Variants in PKD1L3 observed in about 807,000 individuals in gnomAD.
PKD1L3 encodes polycystin-1-like protein 3.
A neutral mutation model predicts 184.1 loss-of-function variants in PKD1L3; 239 were observed. The ratio of observed to expected loss-of-function variants is 1.30; its 90% CI spans 1.17 to 1.45. The LOEUF (loss-of-function observed/expected upper bound fraction) is 1.45, where lower values mean the gene tolerates loss of function less well. Among genes scored for constraint, PKD1L3 ranks in the 40% most tolerant of loss-of-function variants. The probability of loss-of-function intolerance (pLI) is 0.00; values close to 1 mark genes in which losing one functional copy is unlikely to be tolerated. For synonymous variants in PKD1L3, 996 were observed against 778.8 expected, an observed-to-expected ratio of 1.28 and a Z score of -4.64; for missense variants, 2,660 against 2,067.2, an observed-to-expected ratio of 1.29 and a Z score of -5.56.
chr16:71,988,022 T>C (rs1014026457), intron 4 of PKD1L3, among the ~76,000 whole-genome samples: 4 of 152,084 alleles, frequency 2.6e-5, no homozygotes, highest in Admixed American at 6.6e-5. Flanking sequence ...AATGCAGATG[T>C]TATTTTTAAT....
At position 71,973,385 on chromosome 16, in the gene PKD1L3, G is replaced by T. The variant is rs778544446; in HGVS notation, c.1892C>A (p.Ala631Asp). 4.6e-5 allele frequency: 71 copies of T among 1,551,550 alleles called. 2 individuals are homozygous for T. In the South Asian group the frequency reaches 8.0e-4, roughly 17 times the overall value. Residue 631 changes from alanine to aspartate, a missense_variant, in exon 12 of 30, where the codon GCC becomes GAC. By Grantham distance (126) the Ala-to-Asp change is moderately radical (BLOSUM62 -2). Transcript: ENST00000620267. ...CTCCCAGTAGTAACACTGAGTGACG[G>T]CGGTGATGACCGAGACCAAGCTGGG... is the stretch of plus-strand genomic sequence containing the variant. The part of the protein sequence containing the change: ...QTPSLVSVIT[A>D]VTQCYYWEIH...
At chr16:71,993,650 G>C (rs759537908) in intron 2 of PKD1L3, among the ~76,000 whole-genome samples, 3 of 152,130 alleles carry the variant, frequency 2.0e-5, no homozygotes, top group Non-Finnish European at 4.4e-5. Flanking sequence ...CATCGCCAGG[G>C]TCTGATTTTT....
intron 19 of PKD1L3, 64 bp from the exon 20 acceptor site, chr16:71,950,374 G>C: frequency 2.2e-6 from 3 of 1,359,856 alleles, no homozygotes; most frequent in Non-Finnish European, 3.0e-6. Context: ...ATTAGTGGTA[G>C]AGATTAACAA....
At chr16:71,934,280 G>A (rs911149860) in intron 26 of PKD1L3, among the ~76,000 whole-genome samples, 155 bp from the exon 27 acceptor site, 1 of 152,198 alleles carries the variant, frequency 6.6e-6, no homozygotes, top group Admixed American at 6.5e-5. Flanking sequence ...CCTCCTGTGA[G>A]TTGTGGATAT....
chr16:71,951,848 T>C (rs2038847435), intron 18 of PKD1L3, 104 bp from the exon 19 acceptor site: 1 of 1,049,592 alleles, frequency 9.5e-7, no homozygotes, highest in Non-Finnish European at 1.3e-6. Context: ...GAAGGGGATA[T>C]GCTTAGCACA....
intron 18 of PKD1L3, 40 bp downstream of exon 18, chr16:71,952,854 C>A: frequency 6.6e-7 from 1 of 1,505,712 alleles, no homozygotes; most frequent in Non-Finnish European, 8.9e-7. Context: ...AACAAGCAGG[C>A]AATAAAATAA....
chr16:71,954,096 C>A lies in PKD1L3; in HGVS notation c.2809+9G>T, dbSNP rs1231860172. 1.3e-6 allele frequency: 2 copies of A among 1,523,232 alleles called. No individual in the cohort carries two copies. The highest frequency in any genetic ancestry group is 2.5e-5 in the South Asian group (2 of 78,810). 94.4% of individuals were successfully genotyped at this position (1,523,232 alleles called of 1,614,324 possible). A position where few individuals can be genotyped will look rare whatever the true frequency, so the allele number is the denominator to read the frequency against. The stretch of plus-strand genomic sequence containing the variant: ...ACTACAAACAACACACATCAGGGCT[C>A]ATCCATACTTTGCTCATCTCTCTTG... On this transcript the variant is annotated intron_variant, in intron 17 of 29. Transcript: ENST00000620267.
At chr16:71,994,505 T>A (rs928604158) in intron 2 of PKD1L3, among the ~76,000 whole-genome samples, 2 of 152,150 alleles carry the variant, frequency 1.3e-5, no homozygotes, top group Non-Finnish European at 2.9e-5. Context: ...TCTAGTTGTT[T>A]GGTAGCTCAG....
rs757761554 is a variant in PKD1L3, at chr16:71,950,001, CA to C, written c.3399del (p.Phe1133LeufsTer4). ...TTTCCTTCTTCTGAGCTCAGGATGGCAAAACTGGTGACTTCCCTGAAGCACA... is the reference window on the plus strand; with the variant it reads ...TTTCCTTCTTCTGAGCTCAGGATGGCAAACTGGTGACTTCCCTGAAGCACA... ...EQEPSREVTS[F>X]AILSSEEGKK... On this transcript the variant is annotated frameshift_variant, in exon 21 of 30. Transcript: ENST00000620267. LOFTEE classifies it high-confidence loss of function. 7 of 1,550,968 alleles carry C rather than the reference CA, an allele frequency of 4.5e-6. No homozygotes were observed. In the South Asian group the frequency reaches 8.3e-5, roughly 18 times the overall value.
intron 2 of PKD1L3, among the ~76,000 whole-genome samples, chr16:71,995,123 G>A (rs7191441): frequency 6.6e-6 from 1 of 152,170 alleles, no homozygotes; most frequent in East Asian, 1.9e-4. Flanking sequence ...GAGGCTGGAC[G>A]TCCAAGAAGA....
chr16:71,995,901 A>G (rs1354610324), intron 2 of PKD1L3, among the ~76,000 whole-genome samples: 1 of 152,202 alleles, frequency 6.6e-6, no homozygotes, highest in Non-Finnish European at 1.5e-5. Context: ...GGCCTTGCCA[A>G]CGGAAAGTGT....
At chr16:71,957,466 G>C (rs1389735833) in intron 16 of PKD1L3, among the ~76,000 whole-genome samples, 1 of 152,032 alleles carries the variant, frequency 6.6e-6, no homozygotes, top group Non-Finnish European at 1.5e-5. Flanking sequence ...CTGTCTACAA[G>C]AGACATAATT....
chr16:71,942,305 C>T (rs2038388433), intron 24 of PKD1L3, among the ~76,000 whole-genome samples: 1 of 152,140 alleles, frequency 6.6e-6, no homozygotes, highest in Admixed American at 6.6e-5. Flanking sequence ...TGCACTCCAG[C>T]CTGGGCGACA....
intron 13 of PKD1L3, among the ~76,000 whole-genome samples, chr16:71,969,518 G>A (rs2039630818): frequency 7.0e-6 from 1 of 143,568 alleles, no homozygotes; most frequent in Non-Finnish European, 1.5e-5. Context: ...TGTTATGGTG[G>A]CCAGGCTGGC....
intron 4 of PKD1L3, among the ~76,000 whole-genome samples, chr16:71,987,388 T>C (rs749318124): frequency 3.0e-4 from 46 of 152,014 alleles, no homozygotes; most frequent in Non-Finnish European, 5.3e-4. Flanking sequence ...GCCTGGCTAC[T>C]TTTGAGATGG....
Position 71,929,605 on chromosome 16 carries a change from G to T in PKD1L3, c.5132C>A (p.Thr1711Asn), listed in dbSNP as rs534448059. The part of the protein sequence containing the change: ...NLLGISWPQK[T>N]SSEQAATTAV... ...TGTCGTGGCTGCTTGCTCAGATGAGGTTTTTTGGGGCCAACTGATTCCTAA... is the reference window on the plus strand; with the variant it reads ...TGTCGTGGCTGCTTGCTCAGATGAGTTTTTTTGGGGCCAACTGATTCCTAA... The change falls in exon 30 of 30, where the codon ACC becomes AAC. Residue 1711 changes from threonine to asparagine, a missense_variant. Thr to Asn is a moderately conservative substitution (Grantham distance 65). Transcript: ENST00000620267. The T allele has an allele frequency of 1.3e-4, 199 of 1,551,830 alleles. No individual in the cohort carries two copies. Among genetic ancestry groups the T allele is most frequent in the Middle Eastern group, 6.7e-4 (4 of 5,990 alleles).
At chr16:71,978,977 A>G (rs981251140) in intron 9 of PKD1L3, among the ~76,000 whole-genome samples, 1 of 152,192 alleles carries the variant, frequency 6.6e-6, no homozygotes, top group African/African-American at 2.4e-5. Flanking sequence ...ATTATTTTTA[A>G]TCTTTATATC....
At chr16:71,999,518 G>C (rs967112958) in intron 1 of PKD1L3, among the ~76,000 whole-genome samples, 166 bp downstream of exon 1, 2 of 152,126 alleles carry the variant, frequency 1.3e-5, no homozygotes, top group South Asian at 2.1e-4. Context: ...CAAATCAAAG[G>C]CTGTCGCACA....
At position 71,978,371 on chromosome 16, in the gene PKD1L3, C is replaced by G. The variant is rs1597354975; in HGVS notation, c.1411G>C (p.Ala471Pro). 6.5e-7 allele frequency: 1 copy of G among 1,548,838 alleles called. No individual in the cohort carries two copies. Among genetic ancestry groups the G allele is most frequent in the East Asian group, 2.5e-5 (1 of 40,752 alleles). Residue 471 changes from alanine (A) to proline (P), a missense_variant, in exon 10 of 30, where the codon GCT becomes CCT. By Grantham distance (27) the Ala-to-Pro change is conservative. Transcript: ENST00000620267. ...PGVNVQITGL[A>P]FNPFKDLDNR... The stretch of plus-strand genomic sequence containing the variant: ...TCCAAATCCTTGAAGGGATTGAAAG[C>G]TAGTCCTGTTATCTAAAGACAAAGA...
Sources: allele counts gnomAD v4.1 joint callset (sites outside exome capture counted in the v4.1 genomes callset), GRCh38; gene constraint gnomAD v4.1.1; transcripts MANE v1.5; gene names NCBI Gene and HGNC (gene_info 2026-07-23, HGNC 2026-07-21).